The following CD38 variants were observed in gnomAD, a reference collection of about 807,000 sequenced individuals.
CD38 encodes ADP-ribosyl cyclase/cyclic ADP-ribose hydrolase 1.
In CD38, 31 loss-of-function variants were observed where a neutral mutation model predicts 36.3. The observed-to-expected ratio is 0.85, with a 90% confidence interval of 0.64 to 1.15. The LOEUF (loss-of-function observed/expected upper bound fraction) is 1.15. Ranked by LOEUF, CD38 falls within the 50% of genes most tolerant of loss-of-function variation. CD38 has a pLI of 0.00. For synonymous variants in CD38, 131 were observed against 135.2 expected, an observed-to-expected ratio of 0.97 and a Z score of 0.22; for missense variants, 380 against 371.9, an observed-to-expected ratio of 1.02 and a Z score of -0.18.
intron 1 of CD38, among the ~76,000 whole-genome samples, chr4:15,801,065 A>T (rs1723212890): frequency 6.6e-6 from 1 of 152,010 alleles, no homozygotes; most frequent in African/African-American, 2.4e-5. Flanking sequence ...ACTAAGAAAA[A>T]AGAGGGAAGA....
Position 15,840,507 on chromosome 4 carries a change from A to T in CD38, c.808A>T (p.Asn270Tyr). The change falls in exon 7 of 8, where the codon AAT (asparagine) becomes TAT (tyrosine). Residue 270 changes from asparagine to tyrosine, a missense_variant. Transcript: ENST00000226279. ...KELESIISKR[N>Y]IQFSCKNIYR... Reference sequence around the variant, plus strand: ...GCTGGAATCGATTATAAGCAAAAGGAATATTCAATTTTCCTGCAAGAATAT... The same window carrying T: ...GCTGGAATCGATTATAAGCAAAAGGTATATTCAATTTTCCTGCAAGAATAT... 1 of 1,603,764 alleles carries T rather than the reference A, an allele frequency of 6.2e-7. No homozygotes were observed. Among genetic ancestry groups the T allele is most frequent in the Non-Finnish European group, 8.5e-7 (1 of 1,171,040 alleles).
chr4:15,822,741 G>GA, intron 2 of CD38, among the ~76,000 whole-genome samples: 1 of 152,260 alleles, frequency 6.6e-6, no homozygotes, highest in South Asian at 2.1e-4. Context: ...TCAATATCGT[G>GA]AAAATGGCCA....
chr4:15,821,050 C>A (rs1371462143), intron 2 of CD38, among the ~76,000 whole-genome samples: 1 of 152,124 alleles, frequency 6.6e-6, no homozygotes, highest in Non-Finnish European at 1.5e-5. Context: ...GAAAACCATG[C>A]AATTACATGG....
At chr4:15,798,584 C>T (rs1414231961) in intron 1 of CD38, among the ~76,000 whole-genome samples, 1 of 152,140 alleles carries the variant, frequency 6.6e-6, no homozygotes, top group African/African-American at 2.4e-5. Context: ...CATGCTTTGC[C>T]AATAGGAAAG....
At position 15,852,172 on chromosome 4, in the gene CD38, T is replaced by G. The variant is rs1035361406; in HGVS notation, c.*3570T>G. The G allele has an allele frequency of 6.6e-6, 1 of 152,184 alleles. No homozygotes were observed. Among genetic ancestry groups the G allele is most frequent in the Admixed American group, 6.5e-5 (1 of 15,280 alleles). 9.4% of individuals were successfully genotyped at this position (152,184 alleles called of 1,614,324 possible). On this transcript the variant is annotated 3_prime_UTR_variant, in exon 8 of 8. Transcript: ENST00000226279. ...TCTTACTTTAGCCCTGAGTCACCATTTGTGTCAACGTGTTTAGTGCCATGT... is the reference window on the plus strand; with the variant it reads ...TCTTACTTTAGCCCTGAGTCACCATGTGTGTCAACGTGTTTAGTGCCATGT...
At chr4:15,821,237 A>G (rs1488109743) in intron 2 of CD38, among the ~76,000 whole-genome samples, 1 of 152,104 alleles carries the variant, frequency 6.6e-6, no homozygotes, top group Non-Finnish European at 1.5e-5. Flanking sequence ...TCAAAAAGCT[A>G]GGAAGATATC....
At chr4:15,837,397 A>T (rs1724092660) in intron 4 of CD38, among the ~76,000 whole-genome samples, 1 of 152,086 alleles carries the variant, frequency 6.6e-6, no homozygotes, top group Non-Finnish European at 1.5e-5. Flanking sequence ...TTATAATACA[A>T]TACAGTTGGA....
chr4:15,813,851 A>G (rs547432728), intron 1 of CD38, among the ~76,000 whole-genome samples: 5 of 152,258 alleles, frequency 3.3e-5, no homozygotes, highest in African/African-American at 1.2e-4. Flanking sequence ...TCCATCATTT[A>G]TGGGCATTTG....
intron 4 of CD38, 36 bp downstream of exon 4, chr4:15,834,338 G>T: frequency 7.7e-7 from 1 of 1,305,330 alleles, no homozygotes; most frequent in South Asian, 1.2e-5. Context: ...GAGCTTTGGA[G>T]ACCACAGAAC....
chr4:15,818,093 A>G (rs1723641942), intron 2 of CD38, among the ~76,000 whole-genome samples: 1 of 148,768 alleles, frequency 6.7e-6, no homozygotes, highest in Non-Finnish European at 1.5e-5. Context: ...CAGCAAGCTA[A>G]GAACCACTGG....
In CD38 at chr4:15,840,494, T is replaced by G; in HGVS notation, c.795T>G (p.Ile265Met). Residue 265 changes from isoleucine (I) to methionine (M), a missense_variant, in exon 7 of 8, where the codon ATT (isoleucine) becomes ATG (methionine). Coordinates refer to ENST00000226279, the MANE Select transcript of CD38 (RefSeq NM_001775.4). ...QDPTIKELES[I>M]ISKRNIQFSC... ...CCACCATAAAAGAGCTGGAATCGAT[T>G]ATAAGCAAAAGGAATATTCAATTTT... is the stretch of plus-strand genomic sequence containing the variant. 6.2e-7 allele frequency: 1 copy of G among 1,606,542 alleles called. No individual in the cohort carries two copies. The highest frequency in any genetic ancestry group is 8.5e-7 in the Non-Finnish European group (1 of 1,173,544).
At chr4:15,838,999 C>T (rs544386494) in intron 5 of CD38, among the ~76,000 whole-genome samples, 11 of 152,228 alleles carry the variant, frequency 7.2e-5, no homozygotes, top group Non-Finnish European at 1.0e-4. Flanking sequence ...ATTACCTTTT[C>T]GGCCTTTGTT....
intron 2 of CD38, among the ~76,000 whole-genome samples, chr4:15,820,869 A>C (rs562091576): frequency 2.1e-4 from 32 of 152,356 alleles, no homozygotes; most frequent in African/African-American, 6.7e-4. Flanking sequence ...TCTCCATGCC[A>C]AAGCAACAGA....
At chr4:15,822,044 G>T (rs1040001810) in intron 2 of CD38, among the ~76,000 whole-genome samples, 1 of 152,026 alleles carries the variant, frequency 6.6e-6, no homozygotes, top group Admixed American at 6.6e-5. Flanking sequence ...CAACGTACAT[G>T]AATCAATAAA....
chr4:15,787,028 AGT>A (rs200432545), intron 1 of CD38, among the ~76,000 whole-genome samples: 2,892 of 152,292 alleles, frequency 0.019, 90 homozygotes, highest in African/African-American at 0.066. Context: ...GGCCGCTCAG[AGT>A]GCGGCCTGGG....
rs1723596952 is a variant in CD38, at chr4:15,816,476, A to G, written c.234-35A>G. 5 of 1,527,922 alleles carry G rather than the reference A, an allele frequency of 3.3e-6. No homozygotes were observed. In the East Asian group the frequency reaches 1.2e-4, roughly 36 times the overall value. 94.6% of individuals were successfully genotyped at this position (1,527,922 alleles called of 1,614,324 possible). On this transcript the variant is annotated intron_variant, in intron 1 of 7. Transcript: ENST00000226279. Reference sequence around the variant, plus strand: ...GCTCCAAAAATATTTTTAAAATCAAATAATTTATGTTTTATTTTCTGTGTT... The same window carrying G: ...GCTCCAAAAATATTTTTAAAATCAAGTAATTTATGTTTTATTTTCTGTGTT...
chr4:15,786,677 C>T (rs1249421718), intron 1 of CD38, among the ~76,000 whole-genome samples: 5 of 152,228 alleles, frequency 3.3e-5, no homozygotes, highest in Admixed American at 6.5e-5. Flanking sequence ...TTCACCTAGC[C>T]GATTGTGCAC....
intron 1 of CD38, among the ~76,000 whole-genome samples, chr4:15,786,172 G>A (rs1022329250): frequency 3.3e-4 from 50 of 152,210 alleles, no homozygotes; most frequent in African/African-American, 1.1e-3. Flanking sequence ...AAAGAACAAA[G>A]CTTCCCCAGT....
intron 4 of CD38, among the ~76,000 whole-genome samples, chr4:15,835,447 G>A (rs200643447): frequency 2.2e-5 from 3 of 134,634 alleles, no homozygotes; most frequent in East Asian, 4.9e-4. Flanking sequence ...GTGTGATCTC[G>A]GCTCCCTGCA....
Sources: allele counts gnomAD v4.1 joint callset (sites outside exome capture counted in the v4.1 genomes callset), GRCh38; gene constraint gnomAD v4.1.1; transcripts MANE v1.5; gene names NCBI Gene and HGNC (gene_info 2026-07-23, HGNC 2026-07-21).